The following DDO variants were observed in gnomAD, a reference collection of about 807,000 sequenced individuals.
DDO encodes D-aspartate oxidase, DDO.
A neutral mutation model predicts 16.8 loss-of-function variants in DDO; 16 were observed. The ratio of observed to expected loss-of-function variants is 0.95; its 90% CI spans 0.65 to 1.45. The LOEUF (loss-of-function observed/expected upper bound fraction) is 1.45, where lower values mean the gene tolerates loss of function less well. Ranked by LOEUF, DDO falls within the 40% of genes most tolerant of loss-of-function variation. The pLI, the probability that DDO is intolerant of heterozygous loss-of-function variation, is 0.00. For missense variants in DDO, 429 were observed against 420.3 expected (o/e 1.02, Z -0.18); for synonymous variants, 180 against 167.2 (o/e 1.08, Z -0.59).
chr6:110,405,018 A>G, intron 3 of DDO, 68 bp from the exon 4 acceptor site: 1 of 1,408,406 alleles, frequency 7.1e-7, no homozygotes. Context: ...TAAACTTCAC[A>G]TGACATTCTC....
intron 4 of DDO, among the ~76,000 whole-genome samples, chr6:110,397,211 C>G (rs929264048): frequency 4.6e-5 from 7 of 152,082 alleles, no homozygotes; most frequent in African/African-American, 1.4e-4. Flanking sequence ...CAATAAAGAC[C>G]TTTTATTTTT....
Position 110,414,829 on chromosome 6 carries a change from T to C in DDO, c.-5+638A>G, listed in dbSNP as rs546580704. Among the ~76,000 whole-genome samples the C allele has an allele frequency of 4.6e-5, 7 of 152,376 alleles. No individual in the cohort carries two copies. The East Asian group carries it at 1.2e-3, about 25-fold the overall frequency. On this transcript the variant is annotated intron_variant, in intron 1 of 4. Coordinates refer to ENST00000368924, the MANE Select transcript of DDO (RefSeq NM_001372108.2). ...ACAGTAATCAGGGTACTGGGCCACA[T>C]GGTACAAACCATGGCCACCCACACA...
chr6:110,390,103 C>T (rs937559288), downstream of DDO, among the ~76,000 whole-genome samples: 4 of 152,166 alleles, frequency 2.6e-5, no homozygotes, highest in African/African-American at 9.7e-5. Context: ...TCTAGGCCAC[C>T]TTGCCCAGAA....
In DDO at chr6:110,392,977, A is replaced by T. The variant is rs770700171; in HGVS notation, c.824T>A (p.Val275Glu). 6 of 1,612,926 alleles carry T rather than the reference A, an allele frequency of 3.7e-6. No homozygotes were observed. In the African/African-American group the frequency reaches 8.0e-5, roughly 22 times the overall value. ...GCCTGGCCTGTAGGGCCTCAAGCCC[A>T]CCTTCTCCCTGATGTTGCAGGCTCC... Reference protein sequence around the residue: ...LHGACNIREKVGLRPYRPGVR... With the variant: ...LHGACNIREKEGLRPYRPGVR... Residue 275 changes from valine (V) to glutamate (E), a missense_variant, in exon 5 of 5, where the codon GTG becomes GAG. By Grantham distance (121) the Val-to-Glu change is moderately radical. Transcript: ENST00000368924.
At chr6:110,403,103 T>A (rs1773534260) in intron 4 of DDO, among the ~76,000 whole-genome samples, 1 of 152,190 alleles carries the variant, frequency 6.6e-6, no homozygotes, top group African/African-American at 2.4e-5. Context: ...TTTGTACATG[T>A]TCTTCCATTT....
chr6:110,406,152 C>T (rs1205021137), intron 3 of DDO, among the ~76,000 whole-genome samples: 1 of 152,158 alleles, frequency 6.6e-6, no homozygotes, highest in African/African-American at 2.4e-5. Flanking sequence ...GCTACATTTC[C>T]AGTCCTGAGC....
In DDO at chr6:110,392,083, T is replaced by G. The variant is rs901670128; in HGVS notation, c.*692A>C. On this transcript the variant is annotated 3_prime_UTR_variant, in exon 5 of 5. Coordinates refer to ENST00000368924, the MANE Select transcript of DDO (RefSeq NM_001372108.2). Reference sequence around the variant, plus strand: ...ATACATAGGCAACTTCATCTCTGTCTCCTACCATCATTACCAGCTGAGGGG... The same window carrying G: ...ATACATAGGCAACTTCATCTCTGTCGCCTACCATCATTACCAGCTGAGGGG... The G allele has an allele frequency of 1.5e-6, 1 of 674,244 alleles. No homozygotes were observed. Among genetic ancestry groups the G allele is most frequent in the Non-Finnish European group, 1.8e-6 (1 of 545,696 alleles). 41.8% of individuals were successfully genotyped at this position (674,244 alleles called of 1,614,324 possible).
At position 110,392,896 on chromosome 6, in the gene DDO, T is replaced by G. The variant is rs779651424; in HGVS notation, c.905A>C (p.His302Pro). ...GCCCCCACTCCCATGGCCATAGTGG[T>G]GGACTACAGGCAGCCTCTGTCCATC... ...ARDGQRLPVV[H>P]HYGHGSGGIS... is the part of the protein sequence containing the mutation. Residue 302 changes from histidine to proline, a missense_variant, in exon 5 of 5, where the codon CAC becomes CCC. Physicochemically the swap from His to Pro is moderately conservative, Grantham distance 77. Transcript: ENST00000368924. 5.0e-6 allele frequency: 8 copies of G among 1,614,194 alleles called. No homozygotes were observed. Among genetic ancestry groups the G allele is most frequent in the Non-Finnish European group, 6.8e-6 (8 of 1,180,036 alleles).
intron 4 of DDO, among the ~76,000 whole-genome samples, chr6:110,393,739 T>C (rs1372490500): frequency 6.6e-6 from 1 of 152,170 alleles, no homozygotes; most frequent in East Asian, 1.9e-4. Flanking sequence ...TTTTATCTCA[T>C]ATTGTTAACT....
intron 4 of DDO, among the ~76,000 whole-genome samples, chr6:110,396,295 A>C (rs566026408): frequency 2.9e-4 from 44 of 152,322 alleles, no homozygotes; most frequent in African/African-American, 1.0e-3. Flanking sequence ...TCCACCGAGC[A>C]GTTTCAAGAA....
In DDO at chr6:110,413,402, A is replaced by G. The variant is rs1562267516; in HGVS notation, c.61T>C (p.Cys21Arg). 6.2e-7 allele frequency: 1 copy of G among 1,614,108 alleles called. No homozygotes were observed. The highest frequency in any genetic ancestry group is 8.5e-7 in the Non-Finnish European group (1 of 1,180,040). The change falls in exon 2 of 5, where the codon TGC (cysteine) becomes CGC (arginine). Residue 21 changes from cysteine to arginine, a missense_variant. By Grantham distance (180) the Cys-to-Arg change is radical. Coordinates refer to ENST00000368924, the MANE Select transcript of DDO (RefSeq NM_001372108.2). ...AGVVGLSTAV[C>R]ISKLVPRCSV... is the part of the protein sequence containing the mutation. ...CATCGGGGCACCAGTTTGGAGATGC[A>G]CACAGCCGTGGAGAGCCCCACCACA...
chr6:110,396,628 A>G (rs945673776), intron 4 of DDO, among the ~76,000 whole-genome samples: 1 of 152,226 alleles, frequency 6.6e-6, no homozygotes, highest in Non-Finnish European at 1.5e-5. Context: ...AATAAAGCCA[A>G]TGGATTACTT....
chr6:110,399,851 C>T (rs1582476873), intron 4 of DDO, among the ~76,000 whole-genome samples: 1 of 152,368 alleles, frequency 6.6e-6, no homozygotes, highest in Non-Finnish European at 1.5e-5. Flanking sequence ...GCACTCACAT[C>T]TCAGCCGCCT....
intron 1 of DDO, 127 bp downstream of exon 1, chr6:110,415,340 G>A (rs1402907246): frequency 1.9e-5 from 24 of 1,246,478 alleles, no homozygotes; most frequent in East Asian, 7.8e-5. Flanking sequence ...AGGAGTGAGC[G>A]AGCAATGTGG....
intron 4 of DDO, among the ~76,000 whole-genome samples, chr6:110,400,934 C>T (rs572336962): frequency 7.2e-4 from 109 of 151,880 alleles, no homozygotes; most frequent in African/African-American, 2.6e-3. Flanking sequence ...AGCCAGAGCC[C>T]TCTCCCTTCA....
chr6:110,412,692 C>A (rs999628622), intron 2 of DDO, among the ~76,000 whole-genome samples: 1 of 152,236 alleles, frequency 6.6e-6, no homozygotes, highest in Non-Finnish European at 1.5e-5. Context: ...GCTGCTCCAT[C>A]GGCTTAGGTC....
At chr6:110,403,943 T>C (rs1773564807) in intron 4 of DDO, among the ~76,000 whole-genome samples, 1 of 152,264 alleles carries the variant, frequency 6.6e-6, no homozygotes, top group South Asian at 2.1e-4. Flanking sequence ...TCAATTATCC[T>C]ATAACCTACA....
chr6:110,400,057 T>C (rs930753945), intron 4 of DDO, among the ~76,000 whole-genome samples: 1 of 152,156 alleles, frequency 6.6e-6, no homozygotes, highest in African/African-American at 2.4e-5. Context: ...CCAAGCCCCC[T>C]GGCTGGGGGT....
In DDO at chr6:110,404,774, CT is replaced by C. The variant is rs755510969; in HGVS notation, c.457del (p.Arg153GlyfsTer2). 14 of 1,613,760 alleles carry C rather than the reference CT, an allele frequency of 8.7e-6. No homozygotes were observed. In the African/African-American group the frequency reaches 1.9e-4, roughly 22 times the overall value. On this transcript the variant is annotated frameshift_variant and splice_region_variant, in exon 4 of 5. Coordinates refer to ENST00000368924, the MANE Select transcript of DDO (RefSeq NM_001372108.2). LOFTEE classifies it low-confidence loss of function (END_TRUNC). ...CPAYLPWLEK[R>X]IKGSGGWTLT... ...AATATCAGGGAGCATTTCAACTGAC[CT>C]TTTCTCCAACCACGGGAGGTAGGCA...
Sources: allele counts gnomAD v4.1 joint callset (sites outside exome capture counted in the v4.1 genomes callset), GRCh38; gene constraint gnomAD v4.1.1; transcripts MANE v1.5; gene names NCBI Gene and HGNC (gene_info 2026-07-23, HGNC 2026-07-21).